Variants in TASP1 observed in about 807,000 individuals in gnomAD.
TASP1 encodes the protein threonine aspartase 1.
TASP1 carries 16 observed loss-of-function variants against 56.6 expected under a neutral mutation model. That is an observed-to-expected ratio of 0.28 (90% confidence interval 0.19 to 0.43). TASP1 has a LOEUF of 0.43. Among genes scored for constraint, TASP1 ranks in the 20% least tolerant of loss-of-function variants. The pLI is 1.00. For synonymous variants in TASP1, 179 were observed against 184.2 expected (o/e 0.97, Z 0.23); for missense variants, 393 against 511.6 (o/e 0.77, Z 2.24).
At chr20:13,268,178 CCTCTT>C in the TASP1 span, among the ~76,000 whole-genome samples, 57 of 114,482 alleles carry the variant, frequency 5.0e-4, no homozygotes, top group Admixed American at 1.3e-3. Context: ...CCTCTCCTCT[CCTCTT>C]CTCTTCACTT....
the TASP1 span, among the ~76,000 whole-genome samples, chr20:13,342,931 T>A: frequency 2.6e-5 from 4 of 152,176 alleles, no homozygotes; most frequent in East Asian, 7.7e-4. Context: ...CAAGAGATCG[T>A]GACTGGCAGA....
At chr20:13,316,445 G>A in the TASP1 span, among the ~76,000 whole-genome samples, 511 of 151,920 alleles carry the variant, frequency 3.4e-3, 1 homozygote, top group Non-Finnish European at 5.8e-3. Context: ...CATCCTATGA[G>A]AGCAGCATTA....
the TASP1 span, among the ~76,000 whole-genome samples, chr20:13,380,743 G>A: frequency 2.6e-5 from 4 of 152,150 alleles, no homozygotes; most frequent in East Asian, 7.7e-4. Flanking sequence ...CCCTGACTGG[G>A]GCTGCTGCCT....
chr20:13,172,881 A>C, the TASP1 span, among the ~76,000 whole-genome samples: 195 of 152,270 alleles, frequency 1.3e-3, no homozygotes, highest in African/African-American at 4.4e-3. Context: ...GAAATTTTGG[A>C]ATGATAATTA....
the TASP1 span, among the ~76,000 whole-genome samples, chr20:13,180,646 G>C: frequency 6.6e-6 from 1 of 152,260 alleles, no homozygotes; most frequent in South Asian, 2.1e-4. Flanking sequence ...TAGACTAAGA[G>C]GGAAAAGTAA....
chr20:13,220,396 G>A, the TASP1 span, among the ~76,000 whole-genome samples: 4 of 152,214 alleles, frequency 2.6e-5, no homozygotes, highest in Admixed American at 2.6e-4. Flanking sequence ...GGCATGAGCC[G>A]CACGCGGGAG....
chr20:13,133,741 G>A, the TASP1 span, among the ~76,000 whole-genome samples: 2,776 of 152,204 alleles, frequency 0.018, 54 homozygotes, highest in South Asian at 0.031. Context: ...GCCAGCAGAC[G>A]AGATATGGGG....
intron 10 of TASP1, among the ~76,000 whole-genome samples, chr20:13,521,547 C>A (rs2044755162): frequency 6.6e-6 from 1 of 151,656 alleles, no homozygotes; most frequent in East Asian, 2.0e-4. Flanking sequence ...AAACCAAACA[C>A]CGCATGTTCT....
chr20:13,118,181 A>G, the TASP1 span, among the ~76,000 whole-genome samples: 1 of 152,170 alleles, frequency 6.6e-6, no homozygotes, highest in African/African-American at 2.4e-5. Context: ...TAGCAACAGT[A>G]GGCAATGTTA....
chr20:13,591,947 A>G (rs2047547433), intron 4 of TASP1, among the ~76,000 whole-genome samples: 1 of 152,188 alleles, frequency 6.6e-6, no homozygotes, highest in South Asian at 2.1e-4. Context: ...TAAAAAAATA[A>G]AAGAAGTATA....
the TASP1 span, among the ~76,000 whole-genome samples, chr20:13,352,460 A>T: frequency 1.3e-5 from 2 of 152,240 alleles, no homozygotes; most frequent in Middle Eastern, 3.4e-3. Context: ...AAAAAAAAAA[A>T]AAAAATGCAT....
the TASP1 span, among the ~76,000 whole-genome samples, chr20:13,219,368 C>T: frequency 6.6e-6 from 1 of 152,100 alleles, no homozygotes; most frequent in Non-Finnish European, 1.5e-5. Context: ...CAGGAGGATC[C>T]TTCCAGGATT....
At chr20:13,630,380 C>A (rs2049038400) in intron 1 of TASP1, among the ~76,000 whole-genome samples, 1 of 152,058 alleles carries the variant, frequency 6.6e-6, no homozygotes, top group African/African-American at 2.4e-5. Context: ...ATTTAAATCT[C>A]TCTGTCCACT....
At chr20:13,301,618 A>G in the TASP1 span, among the ~76,000 whole-genome samples, 2 of 152,352 alleles carry the variant, frequency 1.3e-5, no homozygotes, top group East Asian at 1.9e-4. Context: ...TTTTTGCTAC[A>G]GATGAACTGA....
the TASP1 span, among the ~76,000 whole-genome samples, chr20:13,190,620 G>T: frequency 1.3e-5 from 2 of 152,154 alleles, no homozygotes; most frequent in Non-Finnish European, 2.9e-5. Flanking sequence ...ACCTGAAAAT[G>T]ATAAAACTAC....
At chr20:13,188,893 T>C in the TASP1 span, among the ~76,000 whole-genome samples, 1 of 152,210 alleles carries the variant, frequency 6.6e-6, no homozygotes, top group African/African-American at 2.4e-5. Context: ...CCTGTAACAA[T>C]AGCTGAGCAT....
chr20:13,578,250 C>T (rs2046999277), intron 6 of TASP1, among the ~76,000 whole-genome samples: 1 of 151,558 alleles, frequency 6.6e-6, no homozygotes, highest in Non-Finnish European at 1.5e-5. Context: ...TTATTGGGCA[C>T]CTTTTAATGT....
At chr20:13,541,716 C>CAGTA (rs1262725752) in intron 8 of TASP1, among the ~76,000 whole-genome samples, 2 of 152,000 alleles carry the variant, frequency 1.3e-5, no homozygotes, top group African/African-American at 4.8e-5. Context: ...CTTAGGCACT[C>CAGTA]AGTAAACACT....
chr20:13,266,648 C>T, the TASP1 span, among the ~76,000 whole-genome samples: 3 of 152,220 alleles, frequency 2.0e-5, no homozygotes, highest in Non-Finnish European at 4.4e-5. Flanking sequence ...TGAGCAGGCC[C>T]CCTTGTGTCA....
Sources: allele counts gnomAD v4.1 joint callset (sites outside exome capture counted in the v4.1 genomes callset), GRCh38; gene constraint gnomAD v4.1.1; transcripts MANE v1.5; gene names NCBI Gene and HGNC (gene_info 2026-07-23, HGNC 2026-07-21).